The following ZNF609 variants were observed in gnomAD, a reference collection of about 807,000 sequenced individuals.
ZNF609 encodes zinc finger protein 609.
Under a neutral mutation model 109.5 loss-of-function variants are expected in ZNF609, and 11 were observed. The ratio of observed to expected loss-of-function variants is 0.10; its 90% CI spans 0.06 to 0.17. The LOEUF is 0.17. Ranked by LOEUF, ZNF609 falls within the 10% of genes least tolerant of loss-of-function variation. The pLI is 1.00. For missense variants in ZNF609, 1,559 were observed against 1,772.4 expected (o/e 0.88, Z 2.16); for synonymous variants, 646 against 662.0 (o/e 0.98, Z 0.37).
At chr15:64,488,797 TGAA>T (rs1404731183) in intron 1 of ZNF609, among the ~76,000 whole-genome samples, 1 of 151,836 alleles carries the variant, frequency 6.6e-6, no homozygotes, top group Admixed American at 6.6e-5. Flanking sequence ...TGTTTAGAGA[TGAA>T]GAACTAGGCG....
chr15:64,461,688 T>A lies in ZNF609; in HGVS notation c.-128+850T>A, dbSNP rs574595467. ...CAGAGCCCTTCAGGGGGAATATTTC[T>A]GAACAAATCACGGATGATTAAATTC... On this transcript the variant is annotated intron_variant, in intron 1 of 9. Coordinates refer to ENST00000326648, the MANE Select transcript of ZNF609 (RefSeq NM_015042.2). Among the ~76,000 whole-genome samples the A allele has an allele frequency of 7.9e-5, 12 of 152,314 alleles. No homozygotes were observed. The South Asian group carries it at 2.3e-3, about 29-fold the overall frequency.
chr15:64,465,838 G>A (rs886930980), intron 1 of ZNF609, among the ~76,000 whole-genome samples: 10 of 151,792 alleles, frequency 6.6e-5, no homozygotes, highest in African/African-American at 2.2e-4. Flanking sequence ...GATATAGGCC[G>A]GGCGCAGTGG....
chr15:64,633,805 C>T (rs1320990882), intron 3 of ZNF609, among the ~76,000 whole-genome samples: 2 of 151,552 alleles, frequency 1.3e-5, no homozygotes, highest in East Asian at 2.0e-4. Context: ...CGCTTGAACC[C>T]GGGAGGTAGA....
chr15:64,473,433 G>A (rs1227180643), intron 1 of ZNF609, among the ~76,000 whole-genome samples: 1 of 151,562 alleles, frequency 6.6e-6, no homozygotes, highest in African/African-American at 2.4e-5. Context: ...TGCTGACCTC[G>A]TGATCTGCCT....
chr15:64,490,289 T>C (rs536861479), intron 1 of ZNF609, among the ~76,000 whole-genome samples: 40 of 141,688 alleles, frequency 2.8e-4, no homozygotes, highest in African/African-American at 7.5e-4. Flanking sequence ...TTTTTTTTTT[T>C]CGAGACGGAG....
chr15:64,523,631 T>C (rs1893925465), intron 2 of ZNF609, among the ~76,000 whole-genome samples: 1 of 151,996 alleles, frequency 6.6e-6, no homozygotes, highest in African/African-American at 2.4e-5. Context: ...GATGTGGTGA[T>C]GCACACTTGT....
rs1414888123 is a variant in ZNF609, at chr15:64,680,857, C to T, written c.4157C>T (p.Ala1386Val). ...CCAGCACAGTACAACTTACCCTATG[C>T]AGCAGGTAAGCCTGTTTTCCCTACC... ...LLPAQYNLPYAAGLSSTAIVA... is the reference protein window; with the variant it reads ...LLPAQYNLPYVAGLSSTAIVA... The change falls in exon 8 of 10, where the codon GCA becomes GTA. Residue 1386 changes from alanine (A) to valine (V), a missense_variant. Physicochemically the swap from Ala to Val is moderately conservative, Grantham distance 64. Around this residue, in one of 4 missense-constraint regions of ZNF609, gnomAD observed 1,204 missense variants for 1,314.1 expected, o/e 0.92. Coordinates refer to ENST00000326648, the MANE Select transcript of ZNF609 (RefSeq NM_015042.2). 2 of 1,608,994 alleles carry T rather than the reference C, an allele frequency of 1.2e-6. No homozygotes were observed. Among genetic ancestry groups the T allele is most frequent in the East Asian group, 2.2e-5 (1 of 44,898 alleles).
In ZNF609 at chr15:64,683,345, T is replaced by C. The variant is rs2083222402; in HGVS notation, c.*1659T>C. 1 of 152,618 alleles carries C rather than the reference T, an allele frequency of 6.6e-6. No homozygotes were observed. The highest frequency in any genetic ancestry group is 2.4e-5 in the African/African-American group (1 of 41,448). 9.5% of individuals were successfully genotyped at this position (152,618 alleles called of 1,614,324 possible). On this transcript the variant is annotated 3_prime_UTR_variant, in exon 10 of 10. Coordinates refer to ENST00000326648, the MANE Select transcript of ZNF609 (RefSeq NM_015042.2). ...GGGAAATAGGGGACAGTAAGCACAA[T>C]GCCCAGTAGTAGTTGATTTCCAAGG...
chr15:64,488,445 C>G (rs1274794139), intron 1 of ZNF609, among the ~76,000 whole-genome samples: 2 of 152,160 alleles, frequency 1.3e-5, no homozygotes, highest in African/African-American at 4.8e-5. Flanking sequence ...AGCCTCTGCC[C>G]TCAGGGTGGG....
intron 2 of ZNF609, among the ~76,000 whole-genome samples, chr15:64,589,630 A>T (rs544172923): frequency 7.9e-5 from 12 of 152,198 alleles, no homozygotes; most frequent in Non-Finnish European, 1.8e-4. Flanking sequence ...ATTATCTCCT[A>T]TTTATCTTCA....
At chr15:64,585,641 T>C (rs1384259425) in intron 2 of ZNF609, among the ~76,000 whole-genome samples, 1 of 152,212 alleles carries the variant, frequency 6.6e-6, no homozygotes, top group Non-Finnish European at 1.5e-5. Flanking sequence ...CCAGTGTAGC[T>C]AGCTAGTTGA....
intron 2 of ZNF609, among the ~76,000 whole-genome samples, chr15:64,618,533 C>T (rs764166689): frequency 6.6e-5 from 10 of 152,100 alleles, no homozygotes; most frequent in Admixed American, 3.3e-4. Context: ...TCTTGGTGTA[C>T]TGGAAGAATT....
chr15:64,462,247 C>G (rs570781920), intron 1 of ZNF609, among the ~76,000 whole-genome samples: 1 of 152,274 alleles, frequency 6.6e-6, no homozygotes, highest in South Asian at 2.1e-4. Flanking sequence ...TAAGGGATGC[C>G]AGCCATGTTG....
chr15:64,559,468 G>A (rs1229242274), intron 2 of ZNF609, among the ~76,000 whole-genome samples: 1 of 152,206 alleles, frequency 6.6e-6, no homozygotes, highest in Non-Finnish European at 1.5e-5. Flanking sequence ...TGGAATCTGA[G>A]AAGCGGCCCT....
rs1336674354 is a variant in ZNF609, at chr15:64,683,784, TG to T, written c.*2099del. 3 of 152,278 alleles carry T rather than the reference TG, an allele frequency of 2.0e-5. No homozygotes were observed. Among genetic ancestry groups the T allele is most frequent in the Non-Finnish European group, 4.4e-5 (3 of 68,066 alleles). The allele number at this position is 152,278 out of a possible 1,614,324, so 9.4% of individuals were successfully genotyped here. On this transcript the variant is annotated 3_prime_UTR_variant, in exon 10 of 10. Transcript: ENST00000326648. ...TGTTTTTAAATATTGTTGTGTGTTT[TG>T]TATCTGTGGCACTGGCCTGCAGCAT...
intron 2 of ZNF609, chr15:64,593,213 A>T (rs1231229106): frequency 6.5e-7 from 1 of 1,527,960 alleles, no homozygotes; most frequent in African/African-American, 1.4e-5. Flanking sequence ...GAGTTGTGCA[A>T]TTCACAGCAA....
chr15:64,479,196 G>C (rs1226296198), intron 1 of ZNF609, among the ~76,000 whole-genome samples: 4 of 149,104 alleles, frequency 2.7e-5, no homozygotes, highest in Non-Finnish European at 1.5e-5. Flanking sequence ...AAGAAATTCA[G>C]TTATAACAAG....
chr15:64,543,256 T>C (rs943317977), intron 2 of ZNF609, among the ~76,000 whole-genome samples: 10 of 85,476 alleles, frequency 1.2e-4, no homozygotes, highest in South Asian at 1.3e-3. Flanking sequence ...TTGTTGTTGC[T>C]TTTTTTTTTT....
At position 64,670,177 on chromosome 15, in the gene ZNF609, T is replaced by C. The variant is rs367626730; in HGVS notation, c.974-169T>C. 3.0e-4 allele frequency among the ~76,000 whole-genome samples: 46 copies of C among 152,352 alleles called. No individual in the cohort carries two copies. The East Asian group carries it at 8.9e-3, about 29-fold the overall frequency. On this transcript the variant is annotated intron_variant, in intron 3 of 9. Coordinates refer to ENST00000326648, the MANE Select transcript of ZNF609 (RefSeq NM_015042.2). ...CCCATCCTAAGGGACCTCAGTAGCA[T>C]TGTAGGCAATTCCTATGGAACTATT...
Sources: allele counts gnomAD v4.1 joint callset (sites outside exome capture counted in the v4.1 genomes callset), GRCh38; gene constraint gnomAD v4.1.1; regional missense constraint gnomAD v4.1.1; transcripts MANE v1.5; gene names NCBI Gene and HGNC (gene_info 2026-07-23, HGNC 2026-07-21).